The following CMPK2 variants were observed in gnomAD, a reference collection of about 807,000 sequenced individuals.
The protein encoded by CMPK2 is UMP-CMP kinase 2, mitochondrial.
In CMPK2, 32 loss-of-function variants were observed where a neutral mutation model predicts 33.4. The ratio of observed to expected loss-of-function variants is 0.96; its 90% CI spans 0.72 to 1.29. The LOEUF (loss-of-function observed/expected upper bound fraction) is 1.29, where lower values mean the gene tolerates loss of function less well. CMPK2 is among the 50% of genes most tolerant of loss of function. CMPK2 has a pLI of 0.00. For synonymous variants in CMPK2, 299 were observed against 275.3 expected (o/e 1.09, Z -0.85); for missense variants, 672 against 616.0 (o/e 1.09, Z -0.96).
Position 6,865,658 on chromosome 2 carries a change from C to A in CMPK2, c.39G>T (p.Ser13=). ...CCCCGCGCCGCCCGAGCAGCGGCCC[C>A]GACAGTGGCCCGCGCAGGAGCCGGC... ...FARRLLRGPL[S]GPLLGRRGVC... The change falls in exon 1 of 5, where the codon TCG becomes TCT. Residue 13 remains serine, a synonymous_variant. Coordinates refer to ENST00000256722, the MANE Select transcript of CMPK2 (RefSeq NM_207315.4). 2 of 1,321,644 alleles carry A rather than the reference C, an allele frequency of 1.5e-6. No individual in the cohort carries two copies. Among genetic ancestry groups the A allele is most frequent in the African/African-American group, 1.5e-5 (1 of 64,646 alleles). The allele number at this position is 1,321,644 out of a possible 1,614,324, so 81.9% of individuals were successfully genotyped here. A position where few individuals can be genotyped will look rare whatever the true frequency, so the allele number is the denominator to read the frequency against.
rs1662774909 is a variant in CMPK2, at chr2:6,858,249, T to C, written c.992+2935A>G. 2.6e-5 allele frequency among the ~76,000 whole-genome samples: 4 copies of C among 152,152 alleles called. No homozygotes were observed. The South Asian group carries it at 8.3e-4, about 32-fold the overall frequency. On this transcript the variant is annotated intron_variant, in intron 3 of 4. Coordinates refer to ENST00000256722, the MANE Select transcript of CMPK2 (RefSeq NM_207315.4). ...AAATCAGGGCTCTGACTAATGGTGC[T>C]TTCTCAGACAGGCCTTCCTAAACCA...
At chr2:6,845,630 A>T (rs1662340795), downstream of CMPK2, among the ~76,000 whole-genome samples, 1 of 151,966 alleles carries the variant, frequency 6.6e-6, no homozygotes. Context: ...GACCCACTCA[A>T]CCCAAAAGGC....
At chr2:6,850,567 C>T (rs979121933) in intron 4 of CMPK2, 4 of 211,112 alleles carry the variant, frequency 1.9e-5, no homozygotes, top group Non-Finnish European at 3.3e-5. Context: ...CTGACCACTT[C>T]CTAGCCAAGT....
downstream of CMPK2, among the ~76,000 whole-genome samples, chr2:6,843,492 G>A (rs1316791769): frequency 1.3e-5 from 2 of 152,128 alleles, no homozygotes; most frequent in African/African-American, 4.8e-5. Context: ...AGGGGGTACT[G>A]CTTCTAGTTA....
intron 4 of CMPK2, chr2:6,851,227 G>A: frequency 7.4e-7 from 1 of 1,345,522 alleles, no homozygotes; most frequent in Non-Finnish European, 9.6e-7. Context: ...ATCAGTGGCA[G>A]GGTCTGATCC....
At position 6,849,606 on chromosome 2, in the gene CMPK2, T is replaced by A; in HGVS notation, c.*244A>T. The A allele has an allele frequency of 7.7e-7, 1 of 1,291,014 alleles. No individual in the cohort carries two copies. Among genetic ancestry groups the A allele is most frequent in the Non-Finnish European group, 9.8e-7 (1 of 1,021,872 alleles). The allele number at this position is 1,291,014 out of a possible 1,614,324, so 80.0% of individuals were successfully genotyped here. On this transcript the variant is annotated 3_prime_UTR_variant, in exon 5 of 5. Transcript: ENST00000256722. ...ATATGTTCCAAGAAAATGTTTACTATGCCAGGAAGAAAGCAATCGCTGGCC... is the reference window on the plus strand; with the variant it reads ...ATATGTTCCAAGAAAATGTTTACTAAGCCAGGAAGAAAGCAATCGCTGGCC...
intron 4 of CMPK2, chr2:6,851,225 C>G (rs1240553080): frequency 7.5e-7 from 1 of 1,341,058 alleles, no homozygotes; most frequent in African/African-American, 1.5e-5. Context: ...GGATCAGTGG[C>G]AGGGTCTGAT....
At chr2:6,858,859 A>G (rs1228092634) in intron 3 of CMPK2, among the ~76,000 whole-genome samples, 1 of 152,246 alleles carries the variant, frequency 6.6e-6, no homozygotes, top group Non-Finnish European at 1.5e-5. Flanking sequence ...TGTGGAAGCA[A>G]CTTTGGAACT....
At position 6,848,834 on chromosome 2, in the gene CMPK2, G is replaced by A. The variant is rs1011882112; in HGVS notation, c.*1016C>T. ...AAGATATGTCAAAGCGATTTCATAT[G>A]TAATCATGAGACATTCAAGTGCAAG... is the stretch of plus-strand genomic sequence containing the variant. On this transcript the variant is annotated 3_prime_UTR_variant, in exon 5 of 5. Transcript: ENST00000256722. The A allele has an allele frequency of 4.1e-5, 40 of 985,672 alleles. No individual in the cohort carries two copies. Among genetic ancestry groups the A allele is most frequent in the Non-Finnish European group, 4.7e-5 (39 of 829,904 alleles). 61.1% of individuals were successfully genotyped at this position (985,672 alleles called of 1,614,324 possible). A position where few individuals can be genotyped will look rare whatever the true frequency, so the allele number is the denominator to read the frequency against.
intron 1 of CMPK2, 60 bp downstream of exon 1, chr2:6,864,962 T>C (rs1374437972): frequency 1.5e-6 from 2 of 1,356,242 alleles, no homozygotes; most frequent in Non-Finnish European, 1.9e-6. Context: ...CTTGGTCCAG[T>C]TCTCTGGTCT....
intron 2 of CMPK2, among the ~76,000 whole-genome samples, chr2:6,863,006 T>C (rs554561769): frequency 3.3e-5 from 5 of 152,250 alleles, no homozygotes; most frequent in African/African-American, 1.2e-4. Context: ...CATTTCCTAG[T>C]TCTTCCACAT....
chr2:6,845,563 A>T (rs1194497116), downstream of CMPK2, among the ~76,000 whole-genome samples: 1 of 152,212 alleles, frequency 6.6e-6, no homozygotes, highest in Non-Finnish European at 1.5e-5. Flanking sequence ...CCAGTAGGGC[A>T]GGACTAGTCA....
chr2:6,866,623 A>C (rs1663098037), upstream of CMPK2: 4 of 186,920 alleles, frequency 2.1e-5, no homozygotes, highest in South Asian at 5.5e-4. Context: ...GCTGCCTAAC[A>C]GTGTAACTGC....
Position 6,859,482 on chromosome 2 carries a change from G to A in CMPK2, c.992+1702C>T, listed in dbSNP as rs1408698415. On this transcript the variant is annotated intron_variant, in intron 3 of 4. Coordinates refer to ENST00000256722, the MANE Select transcript of CMPK2 (RefSeq NM_207315.4). Reference sequence around the variant, plus strand: ...GGTTTTGTGGACCCAGGGTCCCTCTGCTCTGTGCAGCCTAGAGACTTGGTG... The same window carrying A: ...GGTTTTGTGGACCCAGGGTCCCTCTACTCTGTGCAGCCTAGAGACTTGGTG... Among the ~76,000 whole-genome samples the A allele has an allele frequency of 3.3e-5, 5 of 152,296 alleles. No individual in the cohort carries two copies. In the East Asian group the frequency reaches 9.7e-4, roughly 29 times the overall value.
chr2:6,864,988 C>T, intron 1 of CMPK2, 34 bp downstream of exon 1: 3 of 1,399,040 alleles, frequency 2.1e-6, no homozygotes, highest in Non-Finnish European at 2.8e-6. Context: ...GTTCAGATGC[C>T]ACGCTGGGAG....
chr2:6,857,480 AT>A (rs913431770), intron 3 of CMPK2, among the ~76,000 whole-genome samples: 1 of 150,942 alleles, frequency 6.6e-6, no homozygotes, highest in Non-Finnish European at 1.5e-5. Flanking sequence ...ATACCCAGCT[AT>A]TTTTTTAAAT....
upstream of CMPK2, chr2:6,866,084 G>T: frequency 3.8e-6 from 1 of 262,454 alleles, no homozygotes. Context: ...TGGCGGCCCC[G>T]ACCCTGGTTT....
downstream of CMPK2, among the ~76,000 whole-genome samples, chr2:6,843,916 T>C (rs1228696830): frequency 6.6e-6 from 1 of 152,188 alleles, no homozygotes; most frequent in Non-Finnish European, 1.5e-5. Context: ...CAACCAGGGA[T>C]CCTGGATAGT....
upstream of CMPK2, chr2:6,866,519 C>T: frequency 3.1e-6 from 3 of 981,110 alleles, no homozygotes; most frequent in Non-Finnish European, 2.4e-6. Context: ...ACCTCGAAAT[C>T]GCCTTTCTTC....
Sources: gnomAD v4.1 joint callset for allele counts (sites outside exome capture counted in the v4.1 genomes callset) on GRCh38, gnomAD v4.1.1 for gene constraint, MANE v1.5 for transcripts, NCBI Gene and HGNC (gene_info 2026-07-23, HGNC 2026-07-21) for gene names.